The following ARHGAP8 variants were observed in gnomAD, a reference collection of about 807,000 sequenced individuals.
ARHGAP8 encodes the protein Rho GTPase activating protein 8.
A neutral mutation model predicts 46.1 loss-of-function variants in ARHGAP8; 62 were observed. The observed-to-expected ratio is 1.34, with a 90% CI of 1.10 to 1.66. The LOEUF (loss-of-function observed/expected upper bound fraction) is 1.66, where lower values mean the gene tolerates loss of function less well. Among genes scored for constraint, ARHGAP8 ranks in the 40% most tolerant of loss-of-function variants. The pLI is 0.00. For missense variants in ARHGAP8, 923 were observed against 568.4 expected, an observed-to-expected ratio of 1.62 and a Z score of -6.34; for synonymous variants, 375 against 243.1, an observed-to-expected ratio of 1.54 and a Z score of -5.05.
intron 10 of ARHGAP8, 196 bp from the exon 11 acceptor site, chr22:44,859,535 C>T (rs1406710754): frequency 6.6e-6 from 4 of 604,188 alleles, no homozygotes; most frequent in East Asian, 5.6e-5. Context: ...AACCCCATCT[C>T]AGCAAGAATA....
chr22:44,797,316 C>A (rs1928163075), intron 2 of ARHGAP8, among the ~76,000 whole-genome samples: 1 of 151,434 alleles, frequency 6.6e-6, no homozygotes, highest in Admixed American at 6.6e-5. Flanking sequence ...ATAAATCACC[C>A]ATCACTTTAG....
At chr22:44,860,434 C>CTG (rs998247517) in intron 11 of ARHGAP8, among the ~76,000 whole-genome samples, 31 of 151,396 alleles carry the variant, frequency 2.0e-4, no homozygotes, top group Middle Eastern at 3.4e-3. Flanking sequence ...TGGCCTTTGT[C>CTG]TGTGTGTGTG....
At chr22:44,846,594 C>T (rs136680) in intron 8 of ARHGAP8, among the ~76,000 whole-genome samples, 3,242 of 152,252 alleles carry the variant, frequency 0.021, 55 homozygotes, top group Middle Eastern at 0.037. Flanking sequence ...GCCTGCCTGT[C>T]CCCGGCCTGG....
chr22:44,776,743 C>T (rs1180521581), intron 1 of ARHGAP8, among the ~76,000 whole-genome samples: 3 of 152,130 alleles, frequency 2.0e-5, no homozygotes, highest in South Asian at 2.1e-4. Context: ...CTTGCTTCAG[C>T]GGGTGGCGTC....
intron 5 of ARHGAP8, 85 bp downstream of exon 5, chr22:44,814,843 A>C: frequency 2.7e-6 from 4 of 1,481,884 alleles, no homozygotes; most frequent in East Asian, 2.3e-5. Context: ...CTATCCACGC[A>C]TCATGGAGGG....
At chr22:44,827,342 T>TTTTTC (rs1384402199) in intron 7 of ARHGAP8, among the ~76,000 whole-genome samples, 3 of 113,802 alleles carry the variant, frequency 2.6e-5, no homozygotes, top group East Asian at 5.0e-4. Flanking sequence ...GGTGGTTTTT[T>TTTTTC]TTTTTTTTTT....
At chr22:44,860,035 A>T (rs533708366) in intron 11 of ARHGAP8, among the ~76,000 whole-genome samples, 2 of 152,064 alleles carry the variant, frequency 1.3e-5, no homozygotes, top group South Asian at 4.2e-4. Context: ...TGCCTGTCAG[A>T]CAGGGCGTAC....
chr22:44,828,991 G>T (rs1168530530), intron 7 of ARHGAP8, among the ~76,000 whole-genome samples: 2 of 151,824 alleles, frequency 1.3e-5, no homozygotes, highest in African/African-American at 4.8e-5. Flanking sequence ...GAAAAACAAA[G>T]CCCGGGTGCG....
At chr22:44,755,058 A>G (rs377211500) in intron 1 of ARHGAP8, among the ~76,000 whole-genome samples, 55 of 152,318 alleles carry the variant, frequency 3.6e-4, no homozygotes, top group Middle Eastern at 6.8e-3. Flanking sequence ...TGGTCACCAA[A>G]TGGCCATGAA....
chr22:44,862,615 A>G lies in ARHGAP8; in HGVS notation c.*20A>G, dbSNP rs8777. 0.49 allele frequency: 621,349 copies of G among 1,269,228 alleles called. 127,059 individuals are homozygous for G. The highest frequency in any genetic ancestry group is 0.7 in the East Asian group (25,236 of 36,004). 78.6% of individuals were successfully genotyped at this position (1,269,228 alleles called of 1,614,324 possible). A position where few individuals can be genotyped will look rare whatever the true frequency, so the allele number is the denominator to read the frequency against. ...CTCTAGTGTTGCGAACACTCTGTAT[A>G]TTTCGAGCTACCTCCCACACCTGTC... On this transcript the variant is annotated 3_prime_UTR_variant, in exon 12 of 12. Transcript: ENST00000356099.
chr22:44,785,635 G>A (rs1372277767), intron 1 of ARHGAP8, among the ~76,000 whole-genome samples: 2 of 152,260 alleles, frequency 1.3e-5, no homozygotes, highest in East Asian at 3.9e-4. Context: ...GGGGTGGGGA[G>A]GGGATAGTCT....
At position 44,786,446 on chromosome 22, in the gene ARHGAP8, C is replaced by T; in HGVS notation, c.-71-11C>T. On this transcript the variant is annotated splice_polypyrimidine_tract_variant and intron_variant, in intron 1 of 11. Transcript: ENST00000356099. ...GAATGCACTGACTTCCTTTAATCTT[C>T]TTTGCCGCAGAGCTGCAGAGAGACA... 1.3e-6 allele frequency: 2 copies of T among 1,573,370 alleles called. No individual in the cohort carries two copies. The highest frequency in any genetic ancestry group is 1.7e-6 in the Non-Finnish European group (2 of 1,161,452).
chr22:44,784,407 C>T (rs1274846502), intron 1 of ARHGAP8, among the ~76,000 whole-genome samples: 1 of 152,026 alleles, frequency 6.6e-6, no homozygotes, highest in Non-Finnish European at 1.5e-5. Context: ...CGGTCTCAAA[C>T]AAAACAAAAC....
chr22:44,862,724 C>T lies in ARHGAP8; in HGVS notation c.*129C>T, dbSNP rs917311207. The T allele has an allele frequency of 1.5e-5, 17 of 1,165,354 alleles. No homozygotes were observed. Among genetic ancestry groups the T allele is most frequent in the African/African-American group, 1.4e-4 (9 of 64,708 alleles). 72.2% of individuals were successfully genotyped at this position (1,165,354 alleles called of 1,614,324 possible). ...ATTCAGAACCTTCTAATGAAAACTCCATGCCTCTGGTCCTTGGACTCTTGT... is the reference window on the plus strand; with the variant it reads ...ATTCAGAACCTTCTAATGAAAACTCTATGCCTCTGGTCCTTGGACTCTTGT... On this transcript the variant is annotated 3_prime_UTR_variant, in exon 12 of 12. Coordinates refer to ENST00000356099, the MANE Select transcript of ARHGAP8 (RefSeq NM_181335.3).
intron 8 of ARHGAP8, 113 bp from the exon 9 acceptor site, chr22:44,847,860 G>A: frequency 7.4e-7 from 1 of 1,346,162 alleles, no homozygotes; most frequent in Non-Finnish European, 1.0e-6. Flanking sequence ...ACAAATAAAT[G>A]TGTGGAGGCC....
chr22:44,834,985 T>TAG (rs1569170121), intron 7 of ARHGAP8, among the ~76,000 whole-genome samples: 1 of 152,162 alleles, frequency 6.6e-6, no homozygotes, highest in Non-Finnish European at 1.5e-5. Context: ...TCAACCTATT[T>TAG]GTGTCTTTGA....
rs779379573 is a variant in ARHGAP8 at position 44,786,536 on chromosome 22, C to T, written c.9C>T (p.Gly3=). 27 of 1,587,524 alleles carry T rather than the reference C, an allele frequency of 1.7e-5. No individual in the cohort carries two copies. The highest frequency in any genetic ancestry group is 1.2e-4 in the East Asian group (5 of 43,108). The stretch of plus-strand genomic sequence containing the variant: ...GGCCCTCGGTGGTGCCCATGGCTGG[C>T]CAGGATCCTGCGCTGAGCACGAGTC... MA[G]QDPALSTSHP... is the part of the protein sequence containing the mutation. Residue 3 remains glycine (G), a synonymous_variant, in exon 2 of 12, where the codon GGC becomes GGT. Transcript: ENST00000356099.
rs868607223 is a variant in ARHGAP8, at chr22:44,851,522, A to C, written c.877+2462A>C. ...CACCTGACATGGGAACCTTTATGAA[A>C]ATGAAGAAAATGAAGACCCAGGCTG... On this transcript the variant is annotated intron_variant, in intron 10 of 11. Transcript: ENST00000356099. Among the ~76,000 whole-genome samples the C allele has an allele frequency of 2.6e-4, 40 of 151,888 alleles. 1 individual carries two copies. Among genetic ancestry groups the C allele is most frequent in the Middle Eastern group, 3.4e-3 (1 of 294 alleles).
rs1321968337 is a variant in ARHGAP8, at chr22:44,794,714, AAAT to A, written c.80-7346_80-7344del. Among the ~76,000 whole-genome samples, 1,211 of 151,476 alleles carry A rather than the reference AAAT, an allele frequency of 8.0e-3. 19 individuals carry two copies. Among genetic ancestry groups the A allele is most frequent in the African/African-American group, 0.028 (1,164 of 41,212 alleles). ...GACAAAGCAAGACTCCGTCTCAGAAAAATAATAATAATAATAATATACTTTATT... is the reference window on the plus strand; with the variant it reads ...GACAAAGCAAGACTCCGTCTCAGAAAAATAATAATAATAATATACTTTATT... On this transcript the variant is annotated intron_variant, in intron 2 of 11. Transcript: ENST00000356099.
Sources: allele counts gnomAD v4.1 joint callset (sites outside exome capture counted in the v4.1 genomes callset), GRCh38; gene constraint gnomAD v4.1.1; transcripts MANE v1.5; gene names NCBI Gene and HGNC (gene_info 2026-07-23, HGNC 2026-07-21).